The following IL1RL2 variants were observed in gnomAD, a reference collection of about 807,000 sequenced individuals.
IL1RL2 encodes interleukin 1 receptor like 2.
A neutral mutation model predicts 66.8 loss-of-function variants in IL1RL2; 68 were observed. That is an observed-to-expected ratio of 1.02 (90% CI 0.84 to 1.25). The LOEUF (loss-of-function observed/expected upper bound fraction) is 1.25. Ranked by LOEUF, IL1RL2 falls within the 50% of genes most tolerant of loss-of-function variation. IL1RL2 has a pLI of 0.00. For missense variants in IL1RL2, 729 were observed against 709.3 expected (o/e 1.03, Z -0.32); for synonymous variants, 305 against 264.6 (o/e 1.15, Z -1.48).
chr2:102,233,779 C>T (rs1674567179), intron 10 of IL1RL2, among the ~76,000 whole-genome samples: 2 of 152,134 alleles, frequency 1.3e-5, no homozygotes, highest in Admixed American at 6.5e-5. Context: ...ACACTTTAGA[C>T]ACTCACACAA....
chr2:102,189,769 C>T (rs1297572498), intron 3 of IL1RL2, among the ~76,000 whole-genome samples: 1 of 152,204 alleles, frequency 6.6e-6, no homozygotes, highest in Non-Finnish European at 1.5e-5. Context: ...AGGCGCTTGG[C>T]TATATCCGAA....
intron 5 of IL1RL2, among the ~76,000 whole-genome samples, chr2:102,210,019 T>C (rs1164496708): frequency 6.7e-6 from 1 of 149,732 alleles, no homozygotes; most frequent in African/African-American, 2.4e-5. Flanking sequence ...ACTAATAAGA[T>C]GTGTAATTAT....
At chr2:102,219,211 A>G in intron 7 of IL1RL2, 129 bp downstream of exon 7, 1 of 1,011,526 alleles carries the variant, frequency 9.9e-7, no homozygotes, top group East Asian at 2.4e-5. Flanking sequence ...AATCCCACCT[A>G]TCACATAGTT....
intron 1 of IL1RL2, 179 bp downstream of exon 1, chr2:102,187,265 G>C (rs775727395): frequency 7.6e-6 from 9 of 1,181,222 alleles, no homozygotes; most frequent in Non-Finnish European, 8.6e-6. Context: ...TCTCTGGGTC[G>C]AGGAGTGGAG....
intron 9 of IL1RL2, among the ~76,000 whole-genome samples, chr2:102,231,456 C>G (rs1265613272): frequency 6.6e-6 from 1 of 151,962 alleles, no homozygotes. Flanking sequence ...CAAGATGGCG[C>G]CACTGCACTC....
chr2:102,226,992 G>T (rs1445906735), intron 9 of IL1RL2, among the ~76,000 whole-genome samples: 1 of 152,214 alleles, frequency 6.6e-6, no homozygotes, highest in Non-Finnish European at 1.5e-5. Flanking sequence ...TGTCCTGCCA[G>T]TGCTGTTTGG....
rs1437360758 is a variant in IL1RL2, at chr2:102,227,762, C to G, written c.1135+1721C>G. On this transcript the variant is annotated intron_variant, in intron 9 of 11. Coordinates refer to ENST00000264257, the MANE Select transcript of IL1RL2 (RefSeq NM_003854.4). ...ACTAACAGAAGCCTGCGTCACTTTA[C>G]GTATTCTTCCTGGAAGCTCAGGCCC... is the stretch of plus-strand genomic sequence containing the variant. Among the ~76,000 whole-genome samples, 3 of 152,176 alleles carry G rather than the reference C, an allele frequency of 2.0e-5. No homozygotes were observed. The East Asian group carries it at 5.8e-4, about 29-fold the overall frequency.
At chr2:102,235,400 C>A in intron 11 of IL1RL2, 123 bp downstream of exon 11, 1 of 1,477,630 alleles carries the variant, frequency 6.8e-7, no homozygotes, top group Non-Finnish European at 8.9e-7. Flanking sequence ...CTGGCAGTTG[C>A]GTACTAGTGA....
At chr2:102,196,410 C>T (rs1285469410) in intron 4 of IL1RL2, among the ~76,000 whole-genome samples, 3 of 152,124 alleles carry the variant, frequency 2.0e-5, no homozygotes, top group East Asian at 3.9e-4. Context: ...CTACCATGTG[C>T]TCAGACCTGG....
At chr2:102,201,896 G>T (rs1173153584) in intron 5 of IL1RL2, among the ~76,000 whole-genome samples, 181 bp downstream of exon 5, 1 of 152,136 alleles carries the variant, frequency 6.6e-6, no homozygotes, top group Non-Finnish European at 1.5e-5. Flanking sequence ...AGGCAGAAGG[G>T]CATGAGCAGC....
At chr2:102,197,699 G>A (rs1687905229) in intron 4 of IL1RL2, among the ~76,000 whole-genome samples, 1 of 152,234 alleles carries the variant, frequency 6.6e-6, no homozygotes, top group African/African-American at 2.4e-5. Flanking sequence ...GGAAAGCAGA[G>A]CCCTGGAGAC....
rs1210029945 is a variant in IL1RL2, at chr2:102,201,578, A to C, written c.512A>C (p.Glu171Ala). The C allele has an allele frequency of 6.2e-7, 1 of 1,613,978 alleles. No homozygotes were observed. The highest frequency in any genetic ancestry group is 1.7e-5 in the Admixed American group (1 of 59,978). Reference protein sequence around the residue: ...WYKDCNEIKGERFTVLETRLL... With the variant: ...WYKDCNEIKGARFTVLETRLL... ...TAGGACTGTAACGAGATTAAAGGGG[A>C]GCGGTTCACTGTTTTGGAAACCAGG... Residue 171 changes from glutamate to alanine, a missense_variant, in exon 5 of 12, where the codon GAG (glutamate) becomes GCG (alanine). Transcript: ENST00000264257.
intron 5 of IL1RL2, among the ~76,000 whole-genome samples, chr2:102,211,516 T>G (rs930364560): frequency 2.6e-5 from 4 of 152,216 alleles, no homozygotes; most frequent in Non-Finnish European, 5.9e-5. Flanking sequence ...TTGACAATTA[T>G]CAACTTCTGG....
chr2:102,231,477 G>A (rs1193020449), intron 9 of IL1RL2, among the ~76,000 whole-genome samples: 1 of 151,698 alleles, frequency 6.6e-6, no homozygotes, highest in East Asian at 1.9e-4. Flanking sequence ...CAGCTTGAGA[G>A]ACATGAGTGA....
chr2:102,206,324 G>A (rs1391276974), intron 5 of IL1RL2, among the ~76,000 whole-genome samples: 2 of 152,052 alleles, frequency 1.3e-5, no homozygotes, highest in African/African-American at 2.4e-5. Context: ...CAGTGTCTGG[G>A]CATTTAAAAG....
chr2:102,208,772 G>C (rs973875660), intron 5 of IL1RL2, among the ~76,000 whole-genome samples: 1 of 152,214 alleles, frequency 6.6e-6, no homozygotes, highest in African/African-American at 2.4e-5. Context: ...GTCCTCCTAT[G>C]TTCTTTGCAG....
chr2:102,187,088 T>A lies in IL1RL2; in HGVS notation c.-13+2T>A, dbSNP rs1015592417. The A allele has an allele frequency of 3.9e-6, 5 of 1,289,624 alleles. No homozygotes were observed. The highest frequency in any genetic ancestry group is 5.1e-6 in the Non-Finnish European group (5 of 988,808). 79.9% of individuals were successfully genotyped at this position (1,289,624 alleles called of 1,614,324 possible). A position where few individuals can be genotyped will look rare whatever the true frequency, so the allele number is the denominator to read the frequency against. On this transcript the variant is annotated splice_donor_variant, in intron 1 of 11. Coordinates refer to ENST00000264257, the MANE Select transcript of IL1RL2 (RefSeq NM_003854.4). LOFTEE classifies it low-confidence loss of function (5UTR_SPLICE). ...TGCGCGCTTCAATCCTGCAGGCAGG[T>A]AGACACCGGGCCGGGAGTCTGGCTG... is the stretch of plus-strand genomic sequence containing the variant.
Position 102,219,904 on chromosome 2 carries a change from A to C in IL1RL2, c.878A>C (p.His293Pro). 6.2e-7 allele frequency: 1 copy of C among 1,612,392 alleles called. No individual in the cohort carries two copies. The highest frequency in any genetic ancestry group is 8.5e-7 in the Non-Finnish European group (1 of 1,178,522). ...GVETHVSFREHNLYTVNITFL... is the reference protein window; with the variant it reads ...GVETHVSFREPNLYTVNITFL... ...AGAACCCATGTCTCTTTTCGGGAAC[A>C]TAATTTGTACACAGTAAACATCACC... is the stretch of plus-strand genomic sequence containing the variant. Residue 293 changes from histidine to proline, a missense_variant, in exon 8 of 12, where the codon CAT becomes CCT. By Grantham distance (77) the His-to-Pro change is moderately conservative. Transcript: ENST00000264257.
At chr2:102,225,784 A>T in intron 8 of IL1RL2, 114 bp from the exon 9 acceptor site, 1 of 808,642 alleles carries the variant, frequency 1.2e-6, no homozygotes, top group Non-Finnish European at 1.7e-6. Context: ...ATTGACATCC[A>T]AAACCTTTCC....
Sources: gnomAD v4.1 joint callset for allele counts (sites outside exome capture counted in the v4.1 genomes callset) on GRCh38, gnomAD v4.1.1 for gene constraint, MANE v1.5 for transcripts, NCBI Gene and HGNC (gene_info 2026-07-23, HGNC 2026-07-21) for gene names.